GGACT: variants seen among roughly 807,000 people sequenced by gnomAD.
The protein encoded by GGACT is gamma-glutamylamine cyclotransferase, also known as gamma-glutamylaminecyclotransferase.
For synonymous variants in GGACT, 118 were observed against 115.3 expected, an observed-to-expected ratio of 1.02 and a Z score of -0.15; for missense variants, 241 against 233.2, an observed-to-expected ratio of 1.03 and a Z score of -0.22.
At chr13:100,573,885 A>AG in intron 2 of GGACT, among the ~76,000 whole-genome samples, 1 of 31,404 alleles carries the variant, frequency 3.2e-5, no homozygotes, top group African/African-American at 8.5e-5. Flanking sequence ...TCAAAAAGTC[A>AG]AAAAAAAAAA....
Position 100,545,278 on chromosome 13 carries a change from G to A in GGACT, c.-10-12677C>T, listed in dbSNP as rs1469381063. Among the ~76,000 whole-genome samples the A allele has an allele frequency of 6.6e-6, 1 of 152,234 alleles. No individual in the cohort carries two copies. Among genetic ancestry groups the A allele is most frequent in the Non-Finnish European group, 1.5e-5 (1 of 68,034 alleles). ...CCTGGTGCTCCAAACCACATGGTGA[G>A]GCCGCTTCACTCCCAGCTTCTCCCC... On this transcript the variant is annotated intron_variant, in intron 2 of 2. Transcript: ENST00000683975. The surrounding 1 kb of genome is among the most constrained non-coding windows in gnomAD (Gnocchi z 4.4).
At position 100,532,258 on chromosome 13, in the gene GGACT, T is replaced by G; in HGVS notation, c.334A>C (p.Thr112Pro). Residue 112 changes from threonine (T) to proline (P), a missense_variant, in exon 3 of 3, where the codon ACC becomes CCC. Physicochemically the swap from Thr to Pro is conservative, Grantham distance 38. Transcript: ENST00000683975. ...CTGTACACGAAGCACTGCACCGCGGTGGGCGCTGGCGGCTCCTCTGCGCCC... is the reference window on the plus strand; with the variant it reads ...CTGTACACGAAGCACTGCACCGCGGGGGGCGCTGGCGGCTCCTCTGCGCCC... ...APGAEEPPAPTAVQCFVYSRA... is the reference protein window; with the variant it reads ...APGAEEPPAPPAVQCFVYSRA... The G allele has an allele frequency of 6.6e-7, 1 of 1,526,234 alleles. No homozygotes were observed. The highest frequency in any genetic ancestry group is 8.8e-7 in the Non-Finnish European group (1 of 1,131,272). The allele number at this position is 1,526,234 out of a possible 1,614,324, so 94.5% of individuals were successfully genotyped here.
Position 100,577,656 on chromosome 13 carries a change from C to T in GGACT, c.-11+6169G>A, listed in dbSNP as rs138280714. Among the ~76,000 whole-genome samples the T allele has an allele frequency of 6.6e-3, 1,010 of 152,076 alleles. 4 individuals are homozygous for T. Among genetic ancestry groups the T allele is most frequent in the South Asian group, 0.021 (100 of 4,814 alleles). On this transcript the variant is annotated intron_variant, in intron 2 of 2. Transcript: ENST00000683975. The stretch of plus-strand genomic sequence containing the variant: ...TCCAAAACACAAAGGGAGGAGGGCA[C>T]GTGGAACAAGCATGGCAAAGCCAGT...
chr13:100,576,587 A>G (rs946293960), intron 2 of GGACT, among the ~76,000 whole-genome samples: 5 of 152,272 alleles, frequency 3.3e-5, no homozygotes, highest in African/African-American at 1.2e-4. Context: ...CAGTACATCC[A>G]GACGATGGCG....
intron 2 of GGACT, chr13:100,580,204 G>A (rs1028000300): frequency 5.3e-5 from 8 of 152,270 alleles, no homozygotes; most frequent in African/African-American, 1.9e-4. Context: ...CAGCAAACAT[G>A]TCCATGCCCT....
chr13:100,545,120 T>C lies in GGACT; in HGVS notation c.-10-12519A>G, dbSNP rs2088593265. Reference sequence around the variant, plus strand: ...TCAACCTCGTCACACAGGGCCAACCTGCAGGCACGGCCTCAGGAACCTGGC... The same window carrying C: ...TCAACCTCGTCACACAGGGCCAACCCGCAGGCACGGCCTCAGGAACCTGGC... On this transcript the variant is annotated intron_variant, in intron 2 of 2. Transcript: ENST00000683975. The surrounding 1 kb of genome is among the most constrained non-coding windows in gnomAD (Gnocchi z 4.4). Among the ~76,000 whole-genome samples, 1 of 152,224 alleles carries C rather than the reference T, an allele frequency of 6.6e-6. No homozygotes were observed. The highest frequency in any genetic ancestry group is 6.5e-5 in the Admixed American group (1 of 15,286).
intron 2 of GGACT, 85 bp downstream of exon 2, chr13:100,583,740 A>G (rs1327847768): frequency 3.9e-5 from 6 of 152,208 alleles, no homozygotes; most frequent in African/African-American, 7.2e-5. Flanking sequence ...AGGGCTTCCA[A>G]CTGGCACTAT....
intron 2 of GGACT, among the ~76,000 whole-genome samples, chr13:100,571,789 G>A (rs1216072787): frequency 6.6e-6 from 1 of 152,148 alleles, no homozygotes; most frequent in Non-Finnish European, 1.5e-5. Context: ...GATAATGTAT[G>A]TATATATACA....
intron 2 of GGACT, chr13:100,541,855 T>A (rs2088557534): frequency 6.6e-6 from 1 of 152,228 alleles, no homozygotes. Flanking sequence ...CCTGCTAGAA[T>A]GACCAACTAA....
Position 100,532,441 on chromosome 13 carries a change from G to A in GGACT, c.151C>T (p.Pro51Ser), listed in dbSNP as rs1323628182. 1.3e-6 allele frequency: 2 copies of A among 1,549,930 alleles called. No homozygotes were observed. The highest frequency in any genetic ancestry group is 2.4e-5 in the East Asian group (1 of 40,908). The change falls in exon 3 of 3, where the codon CCG becomes TCG. Residue 51 changes from proline to serine, a missense_variant. By Grantham distance (74) the Pro-to-Ser change is moderately conservative (BLOSUM62 -1). Transcript: ENST00000683975. ...GAGCCGGGCAGGTGCAGCAGCCACG[G>A]GATGTTGTGCTCCCCCGCGATCACC... ...PLVIAGEHNI[P>S]WLLHLPGSGR... is the part of the protein sequence containing the mutation.
intron 2 of GGACT, among the ~76,000 whole-genome samples, chr13:100,541,311 A>G (rs2088552393): frequency 6.6e-6 from 1 of 151,480 alleles, no homozygotes; most frequent in Admixed American, 6.6e-5. Flanking sequence ...CCACTGTGCC[A>G]TAACAGGCCT....
intron 2 of GGACT, among the ~76,000 whole-genome samples, chr13:100,583,103 C>T (rs750151139): frequency 2.3e-4 from 35 of 152,178 alleles, no homozygotes; most frequent in Admixed American, 1.1e-3. Context: ...TAGCAACATA[C>T]GGCCAATCTT....
At chr13:100,557,387 G>T (rs966821685) in intron 2 of GGACT, among the ~76,000 whole-genome samples, 3 of 152,144 alleles carry the variant, frequency 2.0e-5, no homozygotes, top group African/African-American at 7.2e-5. Context: ...TGACTTTTAT[G>T]TTGTGTGAAT....
chr13:100,553,224 G>A (rs1016347020), intron 2 of GGACT, among the ~76,000 whole-genome samples: 3 of 152,138 alleles, frequency 2.0e-5, no homozygotes, highest in African/African-American at 7.2e-5. Context: ...GGAAGACTGC[G>A]TGGCAGTTTT....
chr13:100,579,591 A>G (rs1875353331), intron 2 of GGACT, among the ~76,000 whole-genome samples: 1 of 152,178 alleles, frequency 6.6e-6, no homozygotes, highest in East Asian at 1.9e-4. Context: ...GTCCTACCCC[A>G]TTCCTGGAAG....
At chr13:100,560,918 T>A (rs1000016467) in intron 2 of GGACT, among the ~76,000 whole-genome samples, 2 of 152,176 alleles carry the variant, frequency 1.3e-5, no homozygotes, top group Non-Finnish European at 2.9e-5. Flanking sequence ...ATTGTGAACA[T>A]CTCTGACAGC....
chr13:100,547,169 G>C (rs2153013659), intron 2 of GGACT, among the ~76,000 whole-genome samples: 1 of 152,304 alleles, frequency 6.6e-6, no homozygotes, highest in Middle Eastern at 3.4e-3. Flanking sequence ...CAGGTCTCCA[G>C]ACCCTCAGAC....
chr13:100,533,216 T>G, intron 2 of GGACT: 1 of 156,252 alleles, frequency 6.4e-6, no homozygotes, highest in Admixed American at 6.2e-5. Flanking sequence ...CAGGCCCTAG[T>G]ATGGCCCTCC....
In GGACT at chr13:100,531,745, T is replaced by TA. The variant is rs71200705; in HGVS notation, c.*384dup. 1.4e-3 allele frequency: 253 copies of TA among 181,016 alleles called. 1 individual carries two copies. The highest frequency in any genetic ancestry group is 2.4e-3 in the Non-Finnish European group (211 of 87,162). 11.2% of individuals were successfully genotyped at this position (181,016 alleles called of 1,614,324 possible). ...CTCAGGGGTTACAGGCCAGAATCAG[T>TA]ATAGTAGGGCTGCTAAAATCTAGCG... On this transcript the variant is annotated 3_prime_UTR_variant, in exon 3 of 3. Coordinates refer to ENST00000683975, the MANE Select transcript of GGACT (RefSeq NM_001195087.2).
Sources: gnomAD v4.1 joint callset for allele counts (sites outside exome capture counted in the v4.1 genomes callset) on GRCh38, gnomAD v4.1.1 for gene constraint, Gnocchi (gnomAD v3.1) non-coding constraint, MANE v1.5 for transcripts, NCBI Gene and HGNC (gene_info 2026-07-23, HGNC 2026-07-21) for gene names.